Variants in UQCC1 observed in about 807,000 individuals in gnomAD.
UQCC1 encodes bFGF-repressed Zic-binding protein.
A neutral mutation model predicts 48.0 loss-of-function variants in UQCC1; 38 were observed. The observed-to-expected ratio is 0.79, with a 90% CI of 0.61 to 1.04. UQCC1 has a LOEUF of 1.04. UQCC1 is among the 50% of genes least tolerant of loss of function. The pLI is 0.00. For synonymous variants in UQCC1, 111 were observed against 129.2 expected (o/e 0.86, Z 0.95); for missense variants, 368 against 381.8 (o/e 0.96, Z 0.30).
At chr20:35,409,748 T>C (rs887353829) in intron 1 of UQCC1, among the ~76,000 whole-genome samples, 1 of 152,122 alleles carries the variant, frequency 6.6e-6, no homozygotes, top group Non-Finnish European at 1.5e-5. Flanking sequence ...GGGAAAATAT[T>C]GGCTGACAAG....
Position 35,345,804 on chromosome 20 carries a change from A to G in UQCC1, c.573+1360T>C, listed in dbSNP as rs543621117. On this transcript the variant is annotated intron_variant, in intron 7 of 9. Transcript: ENST00000374385. ...ATAATATGTTTATTTCTCAGTCCAC[A>G]GGGAGAACTTTGCCCTGTAATGAAA... The G allele has an allele frequency of 3.3e-5, 5 of 152,302 alleles. No individual in the cohort carries two copies. The South Asian group carries it at 1.0e-3, about 32-fold the overall frequency. The allele number at this position is 152,302 out of a possible 1,614,324, so 9.4% of individuals were successfully genotyped here. A position where few individuals can be genotyped will look rare whatever the true frequency, so the allele number is the denominator to read the frequency against.
chr20:35,396,375 C>T (rs1342570305), intron 1 of UQCC1, among the ~76,000 whole-genome samples: 1 of 146,694 alleles, frequency 6.8e-6, no homozygotes, highest in Non-Finnish European at 1.5e-5. Flanking sequence ...TAACATTGCA[C>T]ACTACAGCCT....
chr20:35,375,289 T>C (rs1238150490), intron 4 of UQCC1, among the ~76,000 whole-genome samples: 1 of 152,176 alleles, frequency 6.6e-6, no homozygotes, highest in Non-Finnish European at 1.5e-5. Flanking sequence ...ATAATGTTCA[T>C]GTTTTTCTAA....
chr20:35,350,049 G>A (rs1176423003), intron 6 of UQCC1, among the ~76,000 whole-genome samples: 2 of 152,056 alleles, frequency 1.3e-5, no homozygotes, highest in East Asian at 3.9e-4. Flanking sequence ...CAGAACCAAT[G>A]GGCAGGCCAT....
At chr20:35,341,020 G>C (rs963550960) in intron 7 of UQCC1, among the ~76,000 whole-genome samples, 1 of 152,070 alleles carries the variant, frequency 6.6e-6, no homozygotes, top group African/African-American at 2.4e-5. Flanking sequence ...CCTGAGGTCA[G>C]GAGTTCGAGA....
chr20:35,384,152 G>C lies in UQCC1; in HGVS notation c.130-19C>G, dbSNP rs149604199. ...GGGGCCACTGAAGAATAAAAACACA[G>C]ATCTATGCAACACTGAGCACTTACA... is the stretch of plus-strand genomic sequence containing the variant. On this transcript the variant is annotated intron_variant, in intron 2 of 9. Coordinates refer to ENST00000374385, the MANE Select transcript of UQCC1 (RefSeq NM_018244.5). 107 of 1,594,374 alleles carry C rather than the reference G, an allele frequency of 6.7e-5. No homozygotes were observed. In the African/African-American group the frequency reaches 1.4e-3, roughly 20 times the overall value.
intron 6 of UQCC1, among the ~76,000 whole-genome samples, chr20:35,348,441 G>C (rs2061454419): frequency 6.6e-6 from 1 of 152,026 alleles, no homozygotes; most frequent in South Asian, 2.1e-4. Context: ...CCAGGCTGGA[G>C]TGCAGTGGCG....
intron 6 of UQCC1, among the ~76,000 whole-genome samples, chr20:35,364,804 G>A (rs2061648149): frequency 6.6e-6 from 1 of 152,186 alleles, no homozygotes; most frequent in South Asian, 2.1e-4. Context: ...TTGACCTTGG[G>A]ATGTGGTCAC....
At chr20:35,369,226 G>T (rs1394680746) in intron 5 of UQCC1, among the ~76,000 whole-genome samples, 1 of 152,206 alleles carries the variant, frequency 6.6e-6, no homozygotes, top group East Asian at 1.9e-4. Flanking sequence ...AGGGCTGAGG[G>T]TGGGAAAAGT....
intron 1 of UQCC1, among the ~76,000 whole-genome samples, chr20:35,399,495 T>A (rs6088820): frequency 6.6e-6 from 1 of 151,828 alleles, no homozygotes; most frequent in East Asian, 1.9e-4. Flanking sequence ...CATGCTAATT[T>A]CCTTGTAGTA....
chr20:35,316,646 T>C (rs1374681154), intron 7 of UQCC1, among the ~76,000 whole-genome samples: 1 of 152,086 alleles, frequency 6.6e-6, no homozygotes, highest in Non-Finnish European at 1.5e-5. Context: ...TCCATTTCCT[T>C]TTTCTTTTTT....
chr20:35,307,452 G>A (rs558894441), intron 8 of UQCC1, among the ~76,000 whole-genome samples: 1 of 152,318 alleles, frequency 6.6e-6, no homozygotes, highest in East Asian at 1.9e-4. Flanking sequence ...CTTCTGTTGG[G>A]AAGCTTAAAG....
intron 7 of UQCC1, among the ~76,000 whole-genome samples, chr20:35,340,568 T>C (rs1042315688): frequency 6.6e-6 from 1 of 152,122 alleles, no homozygotes; most frequent in African/African-American, 2.4e-5. Flanking sequence ...CACTGCAACA[T>C]CAAACTCCCT....
At chr20:35,393,483 CACACACACAA>C (rs2062035508) in intron 2 of UQCC1, among the ~76,000 whole-genome samples, 1 of 130,340 alleles carries the variant, frequency 7.7e-6, no homozygotes, top group African/African-American at 3.0e-5. Context: ...TACACACACA[CACACACACAA>C]ACACACACAA....
At chr20:35,322,870 C>T (rs562510902) in intron 7 of UQCC1, among the ~76,000 whole-genome samples, 3 of 151,730 alleles carry the variant, frequency 2.0e-5, no homozygotes, top group Non-Finnish European at 2.9e-5. Flanking sequence ...TTTTTTGAGA[C>T]GGAGTCTTGC....
chr20:35,365,790 T>C (rs1029270378), intron 6 of UQCC1, among the ~76,000 whole-genome samples: 9 of 152,138 alleles, frequency 5.9e-5, no homozygotes, highest in African/African-American at 2.2e-4. Flanking sequence ...TAGTCAGTTG[T>C]ATGATGCAAA....
intron 8 of UQCC1, among the ~76,000 whole-genome samples, chr20:35,310,727 C>T (rs2060982333): frequency 7.7e-6 from 1 of 129,068 alleles, no homozygotes; most frequent in Non-Finnish European, 1.6e-5. Flanking sequence ...GAGTCTCGCT[C>T]TGTCACCCAG....
intron 6 of UQCC1, among the ~76,000 whole-genome samples, chr20:35,363,427 T>C (rs577164636): frequency 2.6e-5 from 4 of 152,346 alleles, no homozygotes; most frequent in Admixed American, 2.6e-4. Context: ...ACATAGTCAT[T>C]GCAGCTGCAA....
chr20:35,366,888 G>A (rs1185379050), intron 5 of UQCC1, among the ~76,000 whole-genome samples: 1 of 152,052 alleles, frequency 6.6e-6, no homozygotes, highest in Admixed American at 6.5e-5. Context: ...CAGGTCAGGA[G>A]ATCAAGACCA....
Sources: allele counts gnomAD v4.1 joint callset (sites outside exome capture counted in the v4.1 genomes callset), GRCh38; gene constraint gnomAD v4.1.1; transcripts MANE v1.5; gene names NCBI Gene and HGNC (gene_info 2026-07-23, HGNC 2026-07-21).